The following PXDNL variants were observed in gnomAD, a reference collection of about 807,000 sequenced individuals.
PXDNL encodes peroxidasin like.
In PXDNL, 145 loss-of-function variants were observed where a neutral mutation model predicts 150.8. That is an observed-to-expected ratio of 0.96 (90% CI 0.84 to 1.10). The LOEUF is 1.10. Among genes scored for constraint, PXDNL ranks in the 50% least tolerant of loss-of-function variants. The pLI is 0.00. For missense variants in PXDNL, 2,087 were observed against 1,873.9 expected (o/e 1.11, Z -2.10); for synonymous variants, 757 against 725.7 (o/e 1.04, Z -0.69).
intron 1 of PXDNL, among the ~76,000 whole-genome samples, chr8:51,777,051 G>A (rs919271076): frequency 6.6e-6 from 1 of 152,126 alleles, no homozygotes; most frequent in Admixed American, 6.5e-5. Flanking sequence ...TAAAAGCAAA[G>A]CAAGTATACA....
chr8:51,436,041 T>C (rs1449555499), intron 12 of PXDNL: 3 of 528,616 alleles, frequency 5.7e-6, no homozygotes, highest in African/African-American at 3.9e-5. Flanking sequence ...TTGTTCAAAA[T>C]AGTCATAGCC....
At chr8:51,472,889 T>A (rs1373160757) in intron 7 of PXDNL, among the ~76,000 whole-genome samples, 1 of 152,214 alleles carries the variant, frequency 6.6e-6, no homozygotes, top group African/African-American at 2.4e-5. Context: ...ATTATTGAAC[T>A]TAAATTATAA....
chr8:51,392,347 G>A (rs1473349815), intron 17 of PXDNL, among the ~76,000 whole-genome samples: 15 of 152,144 alleles, frequency 9.9e-5, no homozygotes, highest in Admixed American at 2.0e-4. Flanking sequence ...CCATTTTCAC[G>A]ATATTGATTC....
At chr8:51,478,426 T>C (rs1585506315) in intron 6 of PXDNL, among the ~76,000 whole-genome samples, 1 of 152,348 alleles carries the variant, frequency 6.6e-6, no homozygotes, top group South Asian at 2.1e-4. Context: ...CTAGGTAAAT[T>C]AATCTTTTCT....
rs77373935 is a variant in PXDNL, at chr8:51,681,844, C to T, written c.165-27084G>A. Among the ~76,000 whole-genome samples, 897 of 152,230 alleles carry T rather than the reference C, an allele frequency of 5.9e-3. 14 individuals are homozygous for T. The highest frequency in any genetic ancestry group is 0.021 in the African/African-American group (854 of 41,522). On this transcript the variant is annotated intron_variant, in intron 1 of 22. Coordinates refer to ENST00000356297, the MANE Select transcript of PXDNL (RefSeq NM_144651.5). Reference sequence around the variant, plus strand: ...TGGGACTCCACCTCTCAGTGGGCACCATGTTTCCACTGGGCATGAGTACAC... The same window carrying T: ...TGGGACTCCACCTCTCAGTGGGCACTATGTTTCCACTGGGCATGAGTACAC...
chr8:51,624,740 C>T (rs958553636), intron 2 of PXDNL, among the ~76,000 whole-genome samples: 3 of 150,232 alleles, frequency 2.0e-5, no homozygotes, highest in South Asian at 4.2e-4. Context: ...AAATCAAACC[C>T]TGCCCAGGGA....
At chr8:51,685,320 T>C (rs1815850007) in intron 1 of PXDNL, among the ~76,000 whole-genome samples, 1 of 152,152 alleles carries the variant, frequency 6.6e-6, no homozygotes, top group Non-Finnish European at 1.5e-5. Flanking sequence ...ACAAATTAGG[T>C]CTGCCCCACA....
intron 2 of PXDNL, among the ~76,000 whole-genome samples, chr8:51,638,665 T>C (rs184694430): frequency 0.02 from 2,993 of 152,214 alleles, 99 homozygotes; most frequent in African/African-American, 0.069. Flanking sequence ...CCTAAATATA[T>C]ATGCACCCAA....
intron 3 of PXDNL, among the ~76,000 whole-genome samples, chr8:51,572,667 T>TAAACATTAAGTACTAA (rs369105092): frequency 0.071 from 10,737 of 151,974 alleles, 970 homozygotes; most frequent in African/African-American, 0.22. Flanking sequence ...TTTATGATAC[T>TAAACATTAAGTACTAA]GCTTAGTACT....
At chr8:51,770,530 C>T (rs1269336262) in intron 1 of PXDNL, among the ~76,000 whole-genome samples, 3 of 152,154 alleles carry the variant, frequency 2.0e-5, no homozygotes, top group Non-Finnish European at 1.5e-5. Context: ...CCCATTGGTC[C>T]ATGAGTCCAG....
chr8:51,556,910 AC>A lies in PXDNL; in HGVS notation c.309del (p.Tyr104ThrfsTer10), dbSNP rs1812612907. 1 of 1,520,724 alleles carries A rather than the reference AC, an allele frequency of 6.6e-7. No homozygotes were observed. The highest frequency in any genetic ancestry group is 1.4e-5 in the African/African-American group (1 of 72,998). The allele number at this position is 1,520,724 out of a possible 1,614,324, so 94.2% of individuals were successfully genotyped here. A position where few individuals can be genotyped will look rare whatever the true frequency, so the allele number is the denominator to read the frequency against. The part of the protein sequence containing the change: ...AFEGLENLLY[L>X]YLYKNEIHAL... ...GCATGGATTTCATTCTTATACAGGT[AC>A]CTGGAAAATATATAGAATGTCATTA... On this transcript the variant is annotated frameshift_variant and splice_region_variant, in exon 4 of 23. Transcript: ENST00000356297. LOFTEE classifies it high-confidence loss of function.
intron 1 of PXDNL, among the ~76,000 whole-genome samples, chr8:51,807,308 G>A (rs564396821): frequency 1.2e-4 from 19 of 152,186 alleles, no homozygotes; most frequent in African/African-American, 4.3e-4. Flanking sequence ...AAGAGGAAGA[G>A]AGACGCAAGA....
chr8:51,561,804 A>G (rs1812726011), intron 3 of PXDNL, among the ~76,000 whole-genome samples: 1 of 151,952 alleles, frequency 6.6e-6, no homozygotes, highest in African/African-American at 2.4e-5. Context: ...TTACACCACA[A>G]TGTGAATATA....
intron 2 of PXDNL, among the ~76,000 whole-genome samples, chr8:51,640,525 T>C (rs371828938): frequency 1.3e-5 from 2 of 152,260 alleles, no homozygotes; most frequent in Non-Finnish European, 2.9e-5. Flanking sequence ...ACAAAATCAA[T>C]GTACAAAAAT....
intron 6 of PXDNL, among the ~76,000 whole-genome samples, chr8:51,480,953 T>C (rs1374423412): frequency 6.6e-6 from 1 of 152,184 alleles, no homozygotes; most frequent in Non-Finnish European, 1.5e-5. Flanking sequence ...AACAGACTAA[T>C]ATAATAAATT....
At chr8:51,481,113 G>A (rs1810594063) in intron 6 of PXDNL, among the ~76,000 whole-genome samples, 1 of 152,154 alleles carries the variant, frequency 6.6e-6, no homozygotes, top group Non-Finnish European at 1.5e-5. Flanking sequence ...GAGACTTGGA[G>A]GGCTCAGAAG....
intron 1 of PXDNL, among the ~76,000 whole-genome samples, chr8:51,771,871 C>T (rs1040337610): frequency 2.0e-5 from 3 of 152,154 alleles, no homozygotes; most frequent in Non-Finnish European, 4.4e-5. Flanking sequence ...GGTCCACACA[C>T]GTGGTTCCTC....
chr8:51,559,470 C>A (rs928731144), intron 3 of PXDNL, among the ~76,000 whole-genome samples: 2 of 151,876 alleles, frequency 1.3e-5, no homozygotes, highest in Admixed American at 1.3e-4. Context: ...CCACACACCT[C>A]TGAAAACCAC....
chr8:51,726,574 A>G (rs1470624335), intron 1 of PXDNL, among the ~76,000 whole-genome samples: 1 of 152,188 alleles, frequency 6.6e-6, no homozygotes, highest in Non-Finnish European at 1.5e-5. Flanking sequence ...ATTCATCACT[A>G]TTCTTTGCCG....
Sources: allele counts gnomAD v4.1 joint callset (sites outside exome capture counted in the v4.1 genomes callset), GRCh38; gene constraint gnomAD v4.1.1; transcripts MANE v1.5; gene names NCBI Gene and HGNC (gene_info 2026-07-23, HGNC 2026-07-21).